SLC35F3: variants seen among roughly 807,000 people sequenced by gnomAD.
The protein encoded by SLC35F3 is putative thiamine transporter SLC35F3.
SLC35F3 carries 25 observed loss-of-function variants against 49.9 expected under a neutral mutation model. The ratio of observed to expected loss-of-function variants is 0.50; its 90% CI spans 0.37 to 0.70. SLC35F3 has a LOEUF of 0.70. SLC35F3 is among the 30% of genes least tolerant of loss of function. The pLI is 0.00. For synonymous variants in SLC35F3, 275 were observed against 265.4 expected (o/e 1.04, Z -0.35); for missense variants, 525 against 639.8 (o/e 0.82, Z 1.94).
At chr1:234,152,341 C>T (rs964432218) in intron 2 of SLC35F3, among the ~76,000 whole-genome samples, 3 of 151,810 alleles carry the variant, frequency 2.0e-5, no homozygotes, top group African/African-American at 7.3e-5. Context: ...CTCATTAACC[C>T]GTCATCTACG....
intron 2 of SLC35F3, among the ~76,000 whole-genome samples, chr1:233,916,481 A>G (rs532927142): frequency 6.6e-6 from 1 of 152,338 alleles, no homozygotes; most frequent in African/African-American, 2.4e-5. Flanking sequence ...TATGTTGCCC[A>G]TGCTTATCTC....
At chr1:234,156,960 G>A (rs1324320324) in intron 2 of SLC35F3, among the ~76,000 whole-genome samples, 1 of 152,100 alleles carries the variant, frequency 6.6e-6, no homozygotes, top group Non-Finnish European at 1.5e-5. Flanking sequence ...GGGTTGAGGA[G>A]GGTGGGAAAT....
chr1:234,113,596 G>T (rs1665440896), intron 2 of SLC35F3, among the ~76,000 whole-genome samples: 1 of 152,202 alleles, frequency 6.6e-6, no homozygotes, highest in Non-Finnish European at 1.5e-5. Flanking sequence ...AAGCATGGTG[G>T]CTCACGCCTG....
At chr1:234,125,007 G>A (rs1479149253) in intron 2 of SLC35F3, among the ~76,000 whole-genome samples, 1 of 152,154 alleles carries the variant, frequency 6.6e-6, no homozygotes, top group Non-Finnish European at 1.5e-5. Context: ...CTTCAAGGTG[G>A]CAGTGCCTTG....
intron 2 of SLC35F3, among the ~76,000 whole-genome samples, chr1:234,133,448 TC>T (rs1665762939): frequency 6.6e-6 from 1 of 152,142 alleles, no homozygotes; most frequent in Non-Finnish European, 1.5e-5. Context: ...GCTGTCCCCT[TC>T]CAGGAGGCCT....
At chr1:233,944,417 G>T (rs1277286154) in intron 2 of SLC35F3, among the ~76,000 whole-genome samples, 1 of 152,136 alleles carries the variant, frequency 6.6e-6, no homozygotes, top group Admixed American at 6.5e-5. Context: ...GATGTGTAGT[G>T]CTTGTATATG....
chr1:234,259,448 C>T (rs1383340410), intron 3 of SLC35F3, among the ~76,000 whole-genome samples: 1 of 152,132 alleles, frequency 6.6e-6, no homozygotes, highest in Non-Finnish European at 1.5e-5. Flanking sequence ...TTCCAGGATG[C>T]TTCTCCAGAT....
At chr1:234,094,112 C>T (rs1665084205) in intron 2 of SLC35F3, among the ~76,000 whole-genome samples, 1 of 152,204 alleles carries the variant, frequency 6.6e-6, no homozygotes, top group African/African-American at 2.4e-5. Context: ...CTGTGCCTAC[C>T]TTCCTGGCAG....
intron 2 of SLC35F3, among the ~76,000 whole-genome samples, chr1:234,188,355 G>T (rs1256285218): frequency 6.6e-6 from 1 of 152,132 alleles, no homozygotes; most frequent in Non-Finnish European, 1.5e-5. Context: ...GAGGTGGGGG[G>T]CAGGGGGCAT....
rs1663999629 is a variant in SLC35F3 at position 234,027,756 on chromosome 1, C to G, written c.283+121998C>G. Among the ~76,000 whole-genome samples the G allele has an allele frequency of 6.6e-6, 1 of 152,094 alleles. No individual in the cohort carries two copies. The highest frequency in any genetic ancestry group is 2.4e-5 in the African/African-American group (1 of 41,408). On this transcript the variant is annotated intron_variant, in intron 2 of 7. Transcript: ENST00000366618. This position sits in a 1 kb window ranked among gnomAD's most constrained non-coding sequence, Gnocchi z 4.1. ...TGTATTCCTTCATTTAGTAAAAATT[C>G]ACTGGGAGCCTGCGCCAGTTTAGCA... is the stretch of plus-strand genomic sequence containing the variant.
At chr1:233,921,131 CAT>C (rs1471043180) in intron 2 of SLC35F3, among the ~76,000 whole-genome samples, 1 of 152,214 alleles carries the variant, frequency 6.6e-6, no homozygotes, top group Non-Finnish European at 1.5e-5. Flanking sequence ...AACCACAAGA[CAT>C]ATAGAACTCC....
At chr1:234,077,507 A>AACC (rs1458080660) in intron 2 of SLC35F3, among the ~76,000 whole-genome samples, 1 of 152,200 alleles carries the variant, frequency 6.6e-6, no homozygotes, top group Non-Finnish European at 1.5e-5. Flanking sequence ...GCATGGGGGA[A>AACC]ACCACCCCCA....
chr1:234,081,904 ATTTTTT>A (rs781469880), intron 2 of SLC35F3, among the ~76,000 whole-genome samples: 514 of 39,204 alleles, frequency 0.013, 2 homozygotes, highest in Admixed American at 0.031. Flanking sequence ...TGCCTGGCTA[ATTTTTT>A]TTTTTTTTTT....
At chr1:234,243,156 C>T (rs1349685466) in intron 3 of SLC35F3, among the ~76,000 whole-genome samples, 1 of 152,088 alleles carries the variant, frequency 6.6e-6, no homozygotes, top group African/African-American at 2.4e-5. Flanking sequence ...AGTTCAAGAC[C>T]AGCCTGTCCA....
intron 2 of SLC35F3, among the ~76,000 whole-genome samples, chr1:233,947,193 A>G (rs1304431859): frequency 1.3e-5 from 2 of 152,204 alleles, no homozygotes; most frequent in East Asian, 1.9e-4. Flanking sequence ...CCACTGGGCT[A>G]AAAAGAATAC....
chr1:234,203,709 CA>C (rs58588408), intron 2 of SLC35F3, among the ~76,000 whole-genome samples: 88,829 of 145,020 alleles, frequency 0.61, 27,705 homozygotes, highest in African/African-American at 0.73. Context: ...GACTCCATCT[CA>C]AAAAAAAAAA....
intron 2 of SLC35F3, among the ~76,000 whole-genome samples, chr1:234,089,747 A>G (rs1343273706): frequency 6.6e-6 from 1 of 152,122 alleles, no homozygotes; most frequent in African/African-American, 2.4e-5. Flanking sequence ...TCGCCACTGG[A>G]GGGGATAGGT....
chr1:234,084,339 T>C (rs1446903790), intron 2 of SLC35F3, among the ~76,000 whole-genome samples: 1 of 152,130 alleles, frequency 6.6e-6, no homozygotes, highest in African/African-American at 2.4e-5. Flanking sequence ...TATATCTACC[T>C]GTGAATCCCA....
intron 2 of SLC35F3, among the ~76,000 whole-genome samples, chr1:234,111,745 C>G (rs1017668762): frequency 1.3e-5 from 2 of 152,198 alleles, no homozygotes; most frequent in African/African-American, 4.8e-5. Flanking sequence ...GGAAGAGCTT[C>G]CCCAGGACAG....
Sources: gnomAD v4.1 joint callset for allele counts (sites outside exome capture counted in the v4.1 genomes callset) on GRCh38, gnomAD v4.1.1 for gene constraint, Gnocchi (gnomAD v3.1) non-coding constraint, MANE v1.5 for transcripts, NCBI Gene and HGNC (gene_info 2026-07-23, HGNC 2026-07-21) for gene names.